The following ZDHHC14 variants were observed in gnomAD, a reference collection of about 807,000 sequenced individuals.
The protein encoded by ZDHHC14 is palmitoyltransferase ZDHHC14.
A neutral mutation model predicts 47.7 loss-of-function variants in ZDHHC14; 16 were observed. The ratio of observed to expected loss-of-function variants is 0.34; its 90% CI spans 0.23 to 0.51. The LOEUF is 0.51. Among genes scored for constraint, ZDHHC14 ranks in the 20% least tolerant of loss-of-function variants. ZDHHC14 has a pLI of 0.97. For synonymous variants in ZDHHC14, 293 were observed against 278.9 expected, an observed-to-expected ratio of 1.05 and a Z score of -0.50; for missense variants, 515 against 662.5, an observed-to-expected ratio of 0.78 and a Z score of 2.44.
chr6:157,390,275 TA>T (rs1298256988), intron 1 of ZDHHC14, among the ~76,000 whole-genome samples: 1 of 152,218 alleles, frequency 6.6e-6, no homozygotes, highest in Non-Finnish European at 1.5e-5. Context: ...TTATTTTTTT[TA>T]GCATTTCCCC....
chr6:157,509,890 C>T (rs1382830904), intron 1 of ZDHHC14, among the ~76,000 whole-genome samples: 1 of 152,248 alleles, frequency 6.6e-6, no homozygotes, highest in Non-Finnish European at 1.5e-5. Flanking sequence ...GCCAGAGCCT[C>T]ATTGCCATGT....
intron 2 of ZDHHC14, among the ~76,000 whole-genome samples, chr6:157,580,916 T>C (rs529940028): frequency 2.0e-5 from 3 of 152,212 alleles, no homozygotes; most frequent in African/African-American, 4.8e-5. Flanking sequence ...TGTTTCTTAA[T>C]TCCCTTCAGT....
chr6:157,515,533 C>A (rs1157260832), intron 1 of ZDHHC14, among the ~76,000 whole-genome samples: 1 of 150,484 alleles, frequency 6.6e-6, no homozygotes, highest in Non-Finnish European at 1.5e-5. Flanking sequence ...GCGCTATCTC[C>A]GCTCACTGCA....
chr6:157,456,132 G>A (rs1307893409), intron 1 of ZDHHC14, among the ~76,000 whole-genome samples: 1 of 152,180 alleles, frequency 6.6e-6, no homozygotes, highest in African/African-American at 2.4e-5. Flanking sequence ...GAGGAGGCCT[G>A]CTGCGGGAGG....
At chr6:157,532,309 G>A (rs1016812421) in intron 1 of ZDHHC14, among the ~76,000 whole-genome samples, 3 of 152,268 alleles carry the variant, frequency 2.0e-5, no homozygotes, top group Admixed American at 6.5e-5. Flanking sequence ...AAATGTCTCT[G>A]TTGAGCAATT....
At chr6:157,603,876 G>C (rs1050430985) in intron 3 of ZDHHC14, among the ~76,000 whole-genome samples, 2 of 152,170 alleles carry the variant, frequency 1.3e-5, no homozygotes, top group Non-Finnish European at 2.9e-5. Context: ...CATTGTCCAA[G>C]GAAGGCACAC....
chr6:157,522,950 C>T (rs1210823086), intron 1 of ZDHHC14, among the ~76,000 whole-genome samples: 64 of 46,350 alleles, frequency 1.4e-3, no homozygotes, highest in African/African-American at 0.01. Context: ...TCTTTCCTTC[C>T]TTCCTTCCTT....
At chr6:157,394,269 C>T (rs917575621) in intron 1 of ZDHHC14, among the ~76,000 whole-genome samples, 2 of 152,210 alleles carry the variant, frequency 1.3e-5, no homozygotes, top group East Asian at 1.9e-4. Flanking sequence ...AGTCATTTCA[C>T]GGATTCTTTG....
chr6:157,405,153 T>C (rs1447288458), intron 1 of ZDHHC14, among the ~76,000 whole-genome samples: 1 of 152,184 alleles, frequency 6.6e-6, no homozygotes, highest in African/African-American at 2.4e-5. Context: ...AGGGTCTAAA[T>C]TCAGAAATGT....
At chr6:157,440,980 A>G (rs1311352293) in intron 1 of ZDHHC14, among the ~76,000 whole-genome samples, 1 of 152,258 alleles carries the variant, frequency 6.6e-6, no homozygotes, top group Non-Finnish European at 1.5e-5. Flanking sequence ...TTTTATCTTC[A>G]TAAAAAGGGA....
At chr6:157,452,024 A>T (rs1333736196) in intron 1 of ZDHHC14, among the ~76,000 whole-genome samples, 1 of 152,140 alleles carries the variant, frequency 6.6e-6, no homozygotes, top group Non-Finnish European at 1.5e-5. Context: ...TCTTATGAAT[A>T]ATCCGGAAAG....
intron 8 of ZDHHC14, 33 bp from the exon 9 acceptor site, chr6:157,672,691 A>T (rs1438305862): frequency 2.7e-6 from 3 of 1,106,938 alleles, no homozygotes; most frequent in Non-Finnish European, 3.4e-6. Context: ...CCTCCTCTCC[A>T]CCTTCTCTTT....
chr6:157,477,328 C>T lies in ZDHHC14; in HGVS notation c.246-65257C>T, dbSNP rs112256467. ...CCAGGAGGCAGAGGTTGCAGTGAGC[C>T]GAGACCGTGCCACTGCACTCCAGGC... is the stretch of plus-strand genomic sequence containing the variant. On this transcript the variant is annotated intron_variant, in intron 1 of 8. Coordinates refer to ENST00000359775, the MANE Select transcript of ZDHHC14 (RefSeq NM_024630.3). Among the ~76,000 whole-genome samples the T allele has an allele frequency of 3.4e-3, 524 of 152,224 alleles. 6 individuals are homozygous for T. The highest frequency in any genetic ancestry group is 0.011 in the African/African-American group (448 of 41,538).
At chr6:157,622,906 C>T (rs998604365) in intron 3 of ZDHHC14, among the ~76,000 whole-genome samples, 3 of 152,168 alleles carry the variant, frequency 2.0e-5, no homozygotes, top group African/African-American at 7.2e-5. Context: ...CTACTGCATG[C>T]CAGGCACTTA....
chr6:157,386,498 A>G (rs1180365415), intron 1 of ZDHHC14, among the ~76,000 whole-genome samples: 1 of 152,106 alleles, frequency 6.6e-6, no homozygotes, highest in Non-Finnish European at 1.5e-5. Context: ...ACTGGATTTC[A>G]TTTTTGTTTT....
chr6:157,423,454 A>C (rs1002205732), intron 1 of ZDHHC14, among the ~76,000 whole-genome samples: 4 of 152,218 alleles, frequency 2.6e-5, no homozygotes, highest in Non-Finnish European at 5.9e-5. Context: ...CTAGGGAAGC[A>C]GATGAAAGTA....
At chr6:157,589,047 G>A (rs536841319) in intron 2 of ZDHHC14, among the ~76,000 whole-genome samples, 98 of 152,234 alleles carry the variant, frequency 6.4e-4, no homozygotes, top group African/African-American at 2.3e-3. Context: ...AAGAAAAGAG[G>A]TTTTATTGGC....
At position 157,534,598 on chromosome 6, in the gene ZDHHC14, C is replaced by CATTTT. The variant is rs1390331555; in HGVS notation, c.246-7985_246-7984insTTTAT. Among the ~76,000 whole-genome samples the CATTTT allele has an allele frequency of 9.9e-5, 12 of 121,166 alleles. No homozygotes were observed. The East Asian group carries it at 2.7e-3, about 27-fold the overall frequency. The allele number at this position is 121,166 out of a possible 152,430, so 79.5% of individuals were successfully genotyped here. A position where few individuals can be genotyped will look rare whatever the true frequency, so the allele number is the denominator to read the frequency against. On this transcript the variant is annotated intron_variant, in intron 1 of 8. Transcript: ENST00000359775. ...CATTTCATTTCATTTCATTTCATTTCATGTTTTTGAGACAGGGTCTGGCTC... is the reference window on the plus strand; with the variant it reads ...CATTTCATTTCATTTCATTTCATTTCATTTTATGTTTTTGAGACAGGGTCTGGCTC...
intron 3 of ZDHHC14, among the ~76,000 whole-genome samples, chr6:157,595,615 T>G (rs1784097976): frequency 6.6e-6 from 1 of 152,174 alleles, no homozygotes; most frequent in Admixed American, 6.5e-5. Flanking sequence ...ATTTGTTCCC[T>G]CCCATTGCCC....
Sources: gnomAD v4.1 joint callset for allele counts (sites outside exome capture counted in the v4.1 genomes callset) on GRCh38, gnomAD v4.1.1 for gene constraint, MANE v1.5 for transcripts, NCBI Gene and HGNC (gene_info 2026-07-23, HGNC 2026-07-21) for gene names.